The following NCKIPSD variants were observed in gnomAD, a reference collection of about 807,000 sequenced individuals.
NCKIPSD encodes NCK-interacting protein with SH3 domain.
NCKIPSD carries 48 observed loss-of-function variants against 73.4 expected under a neutral mutation model. The ratio of observed to expected loss-of-function variants is 0.65; its 90% CI spans 0.52 to 0.83. The LOEUF (loss-of-function observed/expected upper bound fraction) is 0.83. NCKIPSD is among the 40% of genes least tolerant of loss of function. The probability of loss-of-function intolerance (pLI) is 0.00; values close to 1 mark genes in which losing one functional copy is unlikely to be tolerated. For missense variants in NCKIPSD, 884 were observed against 970.2 expected (o/e 0.91, Z 1.18); for synonymous variants, 422 against 403.6 (o/e 1.05, Z -0.54).
intron 4 of NCKIPSD, 40 bp downstream of exon 4, chr3:48,682,005 G>A (rs1166872281): frequency 5.7e-6 from 9 of 1,575,650 alleles, no homozygotes; most frequent in Non-Finnish European, 7.7e-6. Flanking sequence ...TCCAAGCATA[G>A]GGTGCCTCCA....
rs1158301389 is a variant in NCKIPSD, at chr3:48,685,770, G to A, written c.38C>T (p.Pro13Leu). Reference sequence around the variant, plus strand: ...GCCCGCGGCGAACGCCAGCGCGTTGGGCTCCGCCGAGCGGAACGCGTACAG... The same window carrying A: ...GCCCGCGGCGAACGCCAGCGCGTTGAGCTCCGCCGAGCGGAACGCGTACAG... ...RALYAFRSAE[P>L]NALAFAAGET... is the part of the protein sequence containing the mutation. Residue 13 changes from proline to leucine, a missense_variant, in exon 1 of 13, where the codon CCC becomes CTC. Physicochemically the swap from Pro to Leu is moderately conservative, Grantham distance 98. Coordinates refer to ENST00000294129, the MANE Select transcript of NCKIPSD (RefSeq NM_016453.4). 6.5e-7 allele frequency: 1 copy of A among 1,532,508 alleles called. No homozygotes were observed. The highest frequency in any genetic ancestry group is 8.7e-7 in the Non-Finnish European group (1 of 1,148,824). 94.9% of individuals were successfully genotyped at this position (1,532,508 alleles called of 1,614,324 possible).
intron 5 of NCKIPSD, 145 bp downstream of exon 5, chr3:48,681,142 A>C (rs1378158628): frequency 1.6e-6 from 2 of 1,258,680 alleles, no homozygotes; most frequent in Non-Finnish European, 2.2e-6. Context: ...TGCTTCAGAA[A>C]TCAGCTCAAC....
At chr3:48,677,437 C>T (rs2077272739) in intron 12 of NCKIPSD, among the ~76,000 whole-genome samples, 1 of 151,970 alleles carries the variant, frequency 6.6e-6, no homozygotes, top group Non-Finnish European at 1.5e-5. Flanking sequence ...CTCCCTATCC[C>T]CATGTCATCT....
At position 48,681,723 on chromosome 3, in the gene NCKIPSD, C is replaced by T; in HGVS notation, c.656G>A (p.Ser219Asn). The change falls in exon 5 of 13, where the codon AGC becomes AAC. Residue 219 changes from serine to asparagine, a missense_variant. By Grantham distance (46) the Ser-to-Asn change is conservative. Coordinates refer to ENST00000294129, the MANE Select transcript of NCKIPSD (RefSeq NM_016453.4). ...ATAGAGCGTGTCCAGGGAGGTGCTG[C>T]TGACTGAGGAGCCGCTGGACACAGA... ...GNSVSSGSSV[S>N]STSLDTLYTS... The T allele has an allele frequency of 6.5e-7, 1 of 1,545,676 alleles. No individual in the cohort carries two copies. Among genetic ancestry groups the T allele is most frequent in the Non-Finnish European group, 8.7e-7 (1 of 1,147,016 alleles).
In NCKIPSD at chr3:48,682,373, A is replaced by G. The variant is rs1335863313; in HGVS notation, c.461T>C (p.Leu154Pro). ...RQHSLPSSEH[L>P]GADGGLYQIP... ...CTGGTAGAGGCCTCCATCTGCCCCAAGATGCTCAGAACTGGGTAGGCTGTG... is the reference window on the plus strand; with the variant it reads ...CTGGTAGAGGCCTCCATCTGCCCCAGGATGCTCAGAACTGGGTAGGCTGTG... Residue 154 changes from leucine (L) to proline (P), a missense_variant, in exon 3 of 13, where the codon CTT becomes CCT. Transcript: ENST00000294129. 1 of 1,614,016 alleles carries G rather than the reference A, an allele frequency of 6.2e-7. No homozygotes were observed. The highest frequency in any genetic ancestry group is 1.1e-5 in the South Asian group (1 of 91,080).
chr3:48,681,570 G>C lies in NCKIPSD; in HGVS notation c.809C>G (p.Pro270Arg), dbSNP rs1341771931. 1.9e-6 allele frequency: 3 copies of C among 1,613,926 alleles called. No individual in the cohort carries two copies. In the African/African-American group the frequency reaches 4.0e-5, roughly 22 times the overall value. ...AGTTGCCACTTCTTCTTCTGCAGGG[G>C]GTTCAGGTGCTGATGCCTTGGAGGG... is the stretch of plus-strand genomic sequence containing the variant. ...PPPSKASAPE[P>R]PAEEEVATGT... The change falls in exon 5 of 13, where the codon CCC becomes CGC. Residue 270 changes from proline (P) to arginine (R), a missense_variant. Transcript: ENST00000294129.
chr3:48,679,925 A>G (rs767174965), intron 6 of NCKIPSD, 38 bp from the exon 7 acceptor site: 4 of 1,613,266 alleles, frequency 2.5e-6, no homozygotes, highest in Non-Finnish European at 8.5e-7. Context: ...AGCCACCATG[A>G]GCGGAGCTGT....
chr3:48,685,161 G>A (rs1321877669), intron 1 of NCKIPSD, among the ~76,000 whole-genome samples: 1 of 141,136 alleles, frequency 7.1e-6, no homozygotes, highest in South Asian at 2.4e-4. Context: ...GCTCCAACGG[G>A]GGGCAAGGCG....
In NCKIPSD at chr3:48,683,004, C is replaced by T. The variant is rs763045443; in HGVS notation, c.180G>A (p.Glu60=). 3 of 1,550,080 alleles carry T rather than the reference C, an allele frequency of 1.9e-6. No individual in the cohort carries two copies. The highest frequency in any genetic ancestry group is 2.6e-6 in the Non-Finnish European group (3 of 1,147,062). ...PAYLRRLQGL[E]QDVLQAIDRA... is the part of the protein sequence containing the mutation. ...GGTCAATGGCCTGGAGGACATCCTG[C>T]TCCAGGCCCTGGGGGGGGCAGGGGA... The change falls in exon 2 of 13, where the codon GAG becomes GAA. Residue 60 remains glutamate, a synonymous_variant. Coordinates refer to ENST00000294129, the MANE Select transcript of NCKIPSD (RefSeq NM_016453.4).
chr3:48,674,863 C>A, intron 12 of NCKIPSD, 116 bp from the exon 13 acceptor site: 1 of 1,028,156 alleles, frequency 9.7e-7, no homozygotes, highest in Admixed American at 2.3e-5. Flanking sequence ...AACATCAGGG[C>A]TGCATCCCCA....
At chr3:48,679,224 T>A in intron 9 of NCKIPSD, 41 bp from the exon 10 acceptor site, 1 of 1,610,706 alleles carries the variant, frequency 6.2e-7, no homozygotes, top group Non-Finnish European at 8.5e-7. Flanking sequence ...CCCATTCCCC[T>A]CCGACCCCCG....
chr3:48,679,882 A>G lies in NCKIPSD; in HGVS notation c.1269T>C (p.Asp423=), dbSNP rs747426099. Reference sequence around the variant, plus strand: ...TTTTCTTGCAAACTTCAGGGTCTGCATCAGTCTACAGAAATGAGGAAGTGA... The same window carrying G: ...TTTTCTTGCAAACTTCAGGGTCTGCGTCAGTCTACAGAAATGAGGAAGTGA... ...YLEELLHILT[D]ADPEVCKKMC... The change falls in exon 7 of 13, where the codon GAT becomes GAC. Residue 423 remains aspartate, a synonymous_variant. Coordinates refer to ENST00000294129, the MANE Select transcript of NCKIPSD (RefSeq NM_016453.4). The G allele has an allele frequency of 6.8e-6, 11 of 1,614,070 alleles. No homozygotes were observed. The highest frequency in any genetic ancestry group is 9.3e-6 in the Non-Finnish European group (11 of 1,180,046).
Position 48,680,079 on chromosome 3 carries a change from C to G in NCKIPSD, c.1243G>C (p.Glu415Gln). 7 of 1,613,098 alleles carry G rather than the reference C, an allele frequency of 4.3e-6. No individual in the cohort carries two copies. The highest frequency in any genetic ancestry group is 5.9e-6 in the Non-Finnish European group (7 of 1,179,258). ...EDEGVIRCYL[E>Q]ELLHILTDAD... is the part of the protein sequence containing the mutation. ...CTTACCAGAATATGCAGCAGCTCCT[C>G]TAGGTAGCAGCGGATGACACCCTCA... The change falls in exon 6 of 13, where the codon GAG becomes CAG. Residue 415 changes from glutamate (E) to glutamine (Q), a missense_variant. Coordinates refer to ENST00000294129, the MANE Select transcript of NCKIPSD (RefSeq NM_016453.4).
chr3:48,681,453 G>A lies in NCKIPSD; in HGVS notation c.926C>T (p.Pro309Leu). ...EEKAAAEAAV[P>L]RTIGAELMEL... is the part of the protein sequence containing the mutation. ...CATCAGCTCGGCCCCAATGGTCCTG[G>A]GCACAGCCGCCTCAGCTGCTGCCTT... Residue 309 changes from proline (P) to leucine (L), a missense_variant, in exon 5 of 13, where the codon CCC (proline) becomes CTC (leucine). By Grantham distance (98) the Pro-to-Leu change is moderately conservative. Transcript: ENST00000294129. 1 of 1,614,090 alleles carries A rather than the reference G, an allele frequency of 6.2e-7. No homozygotes were observed. The highest frequency in any genetic ancestry group is 8.5e-7 in the Non-Finnish European group (1 of 1,180,036).
intron 2 of NCKIPSD, 64 bp from the exon 3 acceptor site, chr3:48,682,616 C>T (rs1186739373): frequency 4.5e-6 from 7 of 1,563,780 alleles, no homozygotes; most frequent in Non-Finnish European, 6.1e-6. Context: ...CTCATATGCC[C>T]CTGTGGGATG....
chr3:48,684,019 CAGAG>C (rs1553631921), intron 1 of NCKIPSD, among the ~76,000 whole-genome samples: 4 of 141,346 alleles, frequency 2.8e-5, no homozygotes, highest in Non-Finnish European at 4.6e-5. Flanking sequence ...CACACACACA[CAGAG>C]AGAGAGAGAA....
Position 48,674,209 on chromosome 3 carries a change from G to A in NCKIPSD, c.*335C>T, listed in dbSNP as rs2077216890. On this transcript the variant is annotated 3_prime_UTR_variant, in exon 13 of 13. Coordinates refer to ENST00000294129, the MANE Select transcript of NCKIPSD (RefSeq NM_016453.4). The stretch of plus-strand genomic sequence containing the variant: ...GCCCAGGATACAGACCAGGAGGGGT[G>A]GGGATGGGGGTCTGGTCCAGCCTGG... 3.2e-6 allele frequency: 4 copies of A among 1,234,258 alleles called. No homozygotes were observed. The highest frequency in any genetic ancestry group is 3.0e-5 in the African/African-American group (2 of 66,596). The allele number at this position is 1,234,258 out of a possible 1,614,324, so 76.5% of individuals were successfully genotyped here.
Position 48,674,308 on chromosome 3 carries a change from A to G in NCKIPSD, c.*236T>C. The G allele has an allele frequency of 7.2e-7, 1 of 1,384,258 alleles. No homozygotes were observed. Among genetic ancestry groups the G allele is most frequent in the South Asian group, 1.6e-5 (1 of 64,280 alleles). The allele number at this position is 1,384,258 out of a possible 1,614,324, so 85.7% of individuals were successfully genotyped here. The stretch of plus-strand genomic sequence containing the variant: ...GGGCATGCTGAAGAGGAAGCCTACC[A>G]GGGTATAGAGGGGCTTTAGCTTGCA... On this transcript the variant is annotated 3_prime_UTR_variant, in exon 13 of 13. Coordinates refer to ENST00000294129, the MANE Select transcript of NCKIPSD (RefSeq NM_016453.4).
chr3:48,681,190 A>C (rs754297816), intron 5 of NCKIPSD, 97 bp downstream of exon 5: 1 of 1,477,020 alleles, frequency 6.8e-7, no homozygotes, highest in African/African-American at 1.4e-5. Flanking sequence ...TCAGAGCCAG[A>C]GCTTGAGAAA....
Sources: gnomAD v4.1 joint callset for allele counts (sites outside exome capture counted in the v4.1 genomes callset) on GRCh38, gnomAD v4.1.1 for gene constraint, MANE v1.5 for transcripts, NCBI Gene and HGNC (gene_info 2026-07-23, HGNC 2026-07-21) for gene names.